IGF1R: variants seen among roughly 807,000 people sequenced by gnomAD.
IGF1R encodes the protein insulin-like growth factor 1 receptor.
Under a neutral mutation model 144.6 loss-of-function variants are expected in IGF1R, and 44 were observed. That is an observed-to-expected ratio of 0.30 (90% CI 0.24 to 0.39). The LOEUF (loss-of-function observed/expected upper bound fraction) is 0.39. IGF1R is among the 10% of genes least tolerant of loss of function. The pLI is 1.00. For missense variants in IGF1R, 1,355 were observed against 1,833.7 expected (o/e 0.74, Z 4.77); for synonymous variants, 795 against 722.8 (o/e 1.10, Z -1.60).
At chr15:98,926,861 A>G (rs562319640) in intron 13 of IGF1R, among the ~76,000 whole-genome samples, 27 of 152,200 alleles carry the variant, frequency 1.8e-4, no homozygotes, top group Non-Finnish European at 3.4e-4. Flanking sequence ...CAGTTAGTCT[A>G]TGCCACCTTT....
chr15:98,704,947 T>C lies in IGF1R; in HGVS notation c.95-2615T>C, dbSNP rs2053826367. Among the ~76,000 whole-genome samples the C allele has an allele frequency of 6.6e-6, 1 of 152,194 alleles. No homozygotes were observed. The highest frequency in any genetic ancestry group is 2.4e-5 in the African/African-American group (1 of 41,448). The stretch of plus-strand genomic sequence containing the variant: ...AGGAATGACTCTTTGATTCTTAACG[T>C]GAGCAACTCAGAGAATGAGAGTGCT... On this transcript the variant is annotated intron_variant, in intron 1 of 20. Coordinates refer to ENST00000650285, the MANE Select transcript of IGF1R (RefSeq NM_000875.5). This position sits in a 1 kb window ranked among gnomAD's most constrained non-coding sequence, Gnocchi z 4.9.
rs76202080 is a variant in IGF1R at position 98,839,953 on chromosome 15, A to G, written c.641-51372A>G. Reference sequence around the variant, plus strand: ...TTTATCCATAATATTAAGAAAACTTAATGGCACAATCTAAGCTTTTTACCA... The same window carrying G: ...TTTATCCATAATATTAAGAAAACTTGATGGCACAATCTAAGCTTTTTACCA... On this transcript the variant is annotated intron_variant, in intron 2 of 20. Coordinates refer to ENST00000650285, the MANE Select transcript of IGF1R (RefSeq NM_000875.5). Among the ~76,000 whole-genome samples the G allele has an allele frequency of 3.6e-3, 553 of 152,346 alleles. 3 individuals are homozygous for G. Among genetic ancestry groups the G allele is most frequent in the African/African-American group, 0.013 (524 of 41,574 alleles).
At chr15:98,861,882 G>A (rs902891117) in intron 2 of IGF1R, among the ~76,000 whole-genome samples, 16 of 152,200 alleles carry the variant, frequency 1.1e-4, no homozygotes, top group Admixed American at 4.6e-4. Flanking sequence ...CTCATCTTCT[G>A]TTGCATATCC....
chr15:98,950,781 C>G (rs1344522108), intron 20 of IGF1R, among the ~76,000 whole-genome samples: 2 of 152,184 alleles, frequency 1.3e-5, no homozygotes, highest in African/African-American at 4.8e-5. Context: ...CCCACCCGTA[C>G]TCAAGTGAGG....
At position 98,664,391 on chromosome 15, in the gene IGF1R, G is replaced by A. The variant is rs1024141099; in HGVS notation, c.94+14716G>A. On this transcript the variant is annotated intron_variant, in intron 1 of 20. Coordinates refer to ENST00000650285, the MANE Select transcript of IGF1R (RefSeq NM_000875.5). ...GATAATGCCACCCATCAGGCCGAGT[G>A]CGGTGGCTCATGCCTGTAATCCCAG... 2.2e-4 allele frequency among the ~76,000 whole-genome samples: 34 copies of A among 152,292 alleles called. No individual in the cohort carries two copies. The East Asian group carries it at 5.8e-3, about 26-fold the overall frequency.
In IGF1R at chr15:98,685,328, G is replaced by A. The variant is rs191222103; in HGVS notation, c.95-22234G>A. Among the ~76,000 whole-genome samples the A allele has an allele frequency of 9.8e-5, 15 of 152,294 alleles. No individual in the cohort carries two copies. In the East Asian group the frequency reaches 1.2e-3, roughly 12 times the overall value. On this transcript the variant is annotated intron_variant, in intron 1 of 20. Coordinates refer to ENST00000650285, the MANE Select transcript of IGF1R (RefSeq NM_000875.5). ...TACTTCCTGGAAAGTGGGTGGACACGCTGGATGGTAGATGTTGAGTTCTTT... is the reference window on the plus strand; with the variant it reads ...TACTTCCTGGAAAGTGGGTGGACACACTGGATGGTAGATGTTGAGTTCTTT...
At position 98,963,808 on chromosome 15, in the gene IGF1R, T is replaced by TA; in HGVS notation, c.*6371dup. 4.3e-6 allele frequency: 1 copy of TA among 233,058 alleles called. No individual in the cohort carries two copies. The highest frequency in any genetic ancestry group is 8.5e-6 in the Non-Finnish European group (1 of 117,894). 14.4% of individuals were successfully genotyped at this position (233,058 alleles called of 1,614,324 possible). A position where few individuals can be genotyped will look rare whatever the true frequency, so the allele number is the denominator to read the frequency against. ...TTCCAATACAGAAAAGAATTTTTAA[T>TA]AAAAACTATAACATACACAAAAATT... On this transcript the variant is annotated 3_prime_UTR_variant, in exon 21 of 21. Coordinates refer to ENST00000650285, the MANE Select transcript of IGF1R (RefSeq NM_000875.5).
At chr15:98,740,961 G>C (rs41393949) in intron 2 of IGF1R, among the ~76,000 whole-genome samples, 1 of 152,162 alleles carries the variant, frequency 6.6e-6, no homozygotes, top group Admixed American at 6.5e-5. Context: ...AGCTTTGCTG[G>C]TCGGCAAATC....
intron 2 of IGF1R, among the ~76,000 whole-genome samples, chr15:98,797,389 G>T (rs369604495): frequency 6.6e-6 from 1 of 152,236 alleles, no homozygotes; most frequent in Non-Finnish European, 1.5e-5. Flanking sequence ...TGAGCATGGC[G>T]AGTGGACCGT....
Position 98,935,104 on chromosome 15 carries a change from A to G in IGF1R, c.3186+51A>G, listed in dbSNP as rs2016091648. The stretch of plus-strand genomic sequence containing the variant: ...AAATGCAGCACAGGGAGAGGGTATC[A>G]CACAAGCCTCCCAGTATGTTCTTGG... On this transcript the variant is annotated intron_variant, in intron 16 of 20. Coordinates refer to ENST00000650285, the MANE Select transcript of IGF1R (RefSeq NM_000875.5). This position sits in a 1 kb window ranked among gnomAD's most constrained non-coding sequence, Gnocchi z 4.2. The G allele has an allele frequency of 7.0e-7, 1 of 1,426,148 alleles. No individual in the cohort carries two copies. Among genetic ancestry groups the G allele is most frequent in the Non-Finnish European group, 9.9e-7 (1 of 1,011,506 alleles). 88.3% of individuals were successfully genotyped at this position (1,426,148 alleles called of 1,614,324 possible).
chr15:98,908,444 A>G (rs1330876328), intron 5 of IGF1R, among the ~76,000 whole-genome samples: 1 of 152,226 alleles, frequency 6.6e-6, no homozygotes, highest in Non-Finnish European at 1.5e-5. Context: ...ATTTGATGGT[A>G]ATAGTGGTCA....
intron 11 of IGF1R, 71 bp from the exon 12 acceptor site, chr15:98,923,805 A>G (rs564728452): frequency 1.6e-6 from 2 of 1,242,640 alleles, no homozygotes; most frequent in Admixed American, 1.7e-5. Context: ...GGTTATTCTC[A>G]GGTCAGCCCA....
chr15:98,728,918 A>G (rs1198959015), intron 2 of IGF1R, among the ~76,000 whole-genome samples: 2 of 152,162 alleles, frequency 1.3e-5, no homozygotes, highest in African/African-American at 2.4e-5. Context: ...GGTGAAGAGA[A>G]TTTACCTTCC....
chr15:98,751,459 C>G (rs2055009452), intron 2 of IGF1R, among the ~76,000 whole-genome samples: 1 of 152,170 alleles, frequency 6.6e-6, no homozygotes, highest in South Asian at 2.1e-4. Context: ...ATCCTCTCCC[C>G]TCAACTCTCA....
intron 2 of IGF1R, among the ~76,000 whole-genome samples, chr15:98,771,294 A>G (rs1182429009): frequency 6.6e-6 from 1 of 152,090 alleles, no homozygotes; most frequent in Non-Finnish European, 1.5e-5. Flanking sequence ...GGAGAACACA[A>G]CTACTTAGGA....
chr15:98,950,654 G>GT (rs2016737739), intron 20 of IGF1R, among the ~76,000 whole-genome samples: 1 of 151,044 alleles, frequency 6.6e-6, no homozygotes, highest in South Asian at 2.1e-4. Context: ...GCTTCTACTG[G>GT]TTTTTTACCT....
chr15:98,664,671 C>T (rs1464278164), intron 1 of IGF1R, among the ~76,000 whole-genome samples: 7 of 125,928 alleles, frequency 5.6e-5, no homozygotes, highest in African/African-American at 1.1e-4. Context: ...CCAGCCTGGG[C>T]GAGAGTGAGA....
intron 2 of IGF1R, among the ~76,000 whole-genome samples, chr15:98,842,881 A>G (rs750026121): frequency 1.3e-5 from 2 of 152,210 alleles, no homozygotes; most frequent in African/African-American, 2.4e-5. Flanking sequence ...GGCAGTGTCT[A>G]TCTTAGTCTG....
chr15:98,884,490 T>TGA (rs1178235038), intron 2 of IGF1R, among the ~76,000 whole-genome samples: 1 of 150,036 alleles, frequency 6.7e-6, no homozygotes. Flanking sequence ...GTCAGGAGAT[T>TGA]GAGACCATCC....
Sources: gnomAD v4.1 joint callset for allele counts (sites outside exome capture counted in the v4.1 genomes callset) on GRCh38, gnomAD v4.1.1 for gene constraint, Gnocchi (gnomAD v3.1) non-coding constraint, MANE v1.5 for transcripts, NCBI Gene and HGNC (gene_info 2026-07-23, HGNC 2026-07-21) for gene names.